The following TPGS2 variants were observed in gnomAD, a reference collection of about 807,000 sequenced individuals.
TPGS2 encodes the protein tubulin polyglutamylase complex subunit 2.
Under a neutral mutation model 31.1 loss-of-function variants are expected in TPGS2, and 26 were observed. The observed-to-expected ratio is 0.84, with a 90% confidence interval of 0.61 to 1.16. The LOEUF (loss-of-function observed/expected upper bound fraction) is 1.16, where lower values mean the gene tolerates loss of function less well. Among genes scored for constraint, TPGS2 ranks in the 50% most tolerant of loss-of-function variants. The pLI, the probability that TPGS2 is intolerant of heterozygous loss-of-function variation, is 0.00. For missense variants in TPGS2, 351 were observed against 363.8 expected (o/e 0.96, Z 0.29); for synonymous variants, 130 against 136.6 (o/e 0.95, Z 0.34).
At position 36,805,512 on chromosome 18, in the gene TPGS2, CATGCGTTAAGGAG is replaced by C; in HGVS notation, c.254-23_254-11del. On this transcript the variant is annotated splice_polypyrimidine_tract_variant and intron_variant, in intron 3 of 6. Coordinates refer to ENST00000334295, the MANE Select transcript of TPGS2 (RefSeq NM_015476.4). ...AGTGGAATGATGTGCTCTAGGGGAACATGCGTTAAGGAGAATTACATGGAGTAACAGCCTAGTT... is the reference window on the plus strand; with the variant it reads ...AGTGGAATGATGTGCTCTAGGGGAACAATTACATGGAGTAACAGCCTAGTT... 6.2e-7 allele frequency: 1 copy of C among 1,613,900 alleles called. No individual in the cohort carries two copies. Among genetic ancestry groups the C allele is most frequent in the Non-Finnish European group, 8.5e-7 (1 of 1,179,868 alleles).
chr18:36,782,975 G>A, downstream of TPGS2: 3 of 397,636 alleles, frequency 7.5e-6, no homozygotes. Flanking sequence ...TGGGACAGAG[G>A]TGAACCCAGA....
downstream of TPGS2, among the ~76,000 whole-genome samples, chr18:36,792,297 G>A (rs1332062558): frequency 6.6e-6 from 1 of 152,174 alleles, no homozygotes; most frequent in Non-Finnish European, 1.5e-5. Flanking sequence ...AACTGAAGGA[G>A]TAAATATGGG....
downstream of TPGS2, among the ~76,000 whole-genome samples, chr18:36,782,751 G>A (rs989159339): frequency 2.0e-5 from 3 of 152,184 alleles, no homozygotes; most frequent in East Asian, 1.9e-4. Context: ...TGTGTGCCCA[G>A]ACATCTCTGC....
At position 36,798,459 on chromosome 18, in the gene TPGS2, G is replaced by A; in HGVS notation, c.647C>T (p.Pro216Leu). The A allele has an allele frequency of 1.9e-6, 3 of 1,614,166 alleles. No homozygotes were observed. The East Asian group carries it at 6.7e-5, about 36-fold the overall frequency. Residue 216 changes from proline (P) to leucine (L), a missense_variant, in exon 6 of 7, where the codon CCA (proline) becomes CTA (leucine). Physicochemically the swap from Pro to Leu is moderately conservative, Grantham distance 98. Coordinates refer to ENST00000334295, the MANE Select transcript of TPGS2 (RefSeq NM_015476.4). ...QYAFTSYGIS[P>L]QAKQWFSMYK... ...GTGTTCCTCCCTTACCTTGGCCTGT[G>A]GGCTAATGCCATAGCTGGTGAAGGC...
downstream of TPGS2, among the ~76,000 whole-genome samples, chr18:36,781,151 A>G (rs531352654): frequency 6.6e-6 from 1 of 152,212 alleles, no homozygotes; most frequent in African/African-American, 2.4e-5. Flanking sequence ...AGGCACTGGG[A>G]GGGGCTCTCA....
intron 5 of TPGS2, 39 bp downstream of exon 5, chr18:36,800,159 T>C (rs140969685): frequency 2.3e-5 from 37 of 1,586,116 alleles, no homozygotes; most frequent in Middle Eastern, 3.3e-4. Flanking sequence ...GGCAAGACCC[T>C]AGCCAAACTA....
At position 36,795,013 on chromosome 18, in the gene TPGS2, G is replaced by A. The variant is rs529781280; in HGVS notation, c.*1792C>T. 11 of 985,370 alleles carry A rather than the reference G, an allele frequency of 1.1e-5. No individual in the cohort carries two copies. The East Asian group carries it at 6.8e-4, about 61-fold the overall frequency. 61.0% of individuals were successfully genotyped at this position (985,370 alleles called of 1,614,324 possible). ...TTTATGCTCCCAAAGACTCTTAAGC[G>A]CTGATATTTCAAGACTTTGAACTAT... is the stretch of plus-strand genomic sequence containing the variant. On this transcript the variant is annotated 3_prime_UTR_variant, in exon 7 of 7. Coordinates refer to ENST00000334295, the MANE Select transcript of TPGS2 (RefSeq NM_015476.4).
intron 1 of TPGS2, among the ~76,000 whole-genome samples, chr18:36,825,670 C>T (rs2046104712): frequency 6.6e-6 from 1 of 152,164 alleles, no homozygotes; most frequent in African/African-American, 2.4e-5. Context: ...GTACAACCAT[C>T]ACCAGAACTT....
At chr18:36,790,428 C>T (rs1189421709), downstream of TPGS2, among the ~76,000 whole-genome samples, 2 of 152,100 alleles carry the variant, frequency 1.3e-5, no homozygotes, top group African/African-American at 4.8e-5. Flanking sequence ...ATAATGCTCG[C>T]TACATTTATC....
At chr18:36,802,386 C>G (rs568837921) in intron 4 of TPGS2, among the ~76,000 whole-genome samples, 44 of 152,244 alleles carry the variant, frequency 2.9e-4, no homozygotes, top group African/African-American at 1.0e-3. Context: ...TCCTTTAAGA[C>G]ACGTTTTTAA....
chr18:36,808,469 T>C (rs865903989), intron 2 of TPGS2, among the ~76,000 whole-genome samples: 6 of 152,156 alleles, frequency 3.9e-5, no homozygotes, highest in Middle Eastern at 3.4e-3. Flanking sequence ...AAACCCCATC[T>C]CTACTAAAAA....
intron 2 of TPGS2, among the ~76,000 whole-genome samples, chr18:36,814,139 G>A (rs2045553543): frequency 6.6e-6 from 1 of 152,242 alleles, no homozygotes; most frequent in South Asian, 2.1e-4. Flanking sequence ...ATCAAGAATT[G>A]TAAAGCCGTC....
rs1383608639 is a variant in TPGS2 at position 36,786,688 on chromosome 18, A to AGGGAG, written c.658-3562_658-3558dup. ...CAGTTGTTGTGTCTAAAACCACAAA[A>AGGGAG]GGGAGGGGGTATGATGAGGTGTGTC... On this transcript the variant is annotated intron_variant, in intron 6 of 6. Coordinates refer to the TPGS2 transcript ENST00000587129. 26 of 602,662 alleles carry AGGGAG rather than the reference A, an allele frequency of 4.3e-5. No homozygotes were observed. In the African/African-American group the frequency reaches 4.6e-4, roughly 11 times the overall value. The allele number at this position is 602,662 out of a possible 1,614,324, so 37.3% of individuals were successfully genotyped here.
At chr18:36,818,676 G>T in intron 2 of TPGS2, 1 of 475,478 alleles carries the variant, frequency 2.1e-6, no homozygotes, top group Non-Finnish European at 3.8e-6. Flanking sequence ...TGCTTCTGTA[G>T]GAGAGTGGGG....
chr18:36,824,779 A>G (rs1397180397), intron 1 of TPGS2, among the ~76,000 whole-genome samples: 2 of 152,228 alleles, frequency 1.3e-5, no homozygotes, highest in Non-Finnish European at 2.9e-5. Flanking sequence ...ATTTACAAAT[A>G]TCCTCTCCTA....
intron 1 of TPGS2, chr18:36,823,923 A>T (rs1413914215): frequency 1.1e-6 from 1 of 927,136 alleles, no homozygotes; most frequent in Non-Finnish European, 1.3e-6. Flanking sequence ...ATTCCTTTTT[A>T]AAAATAGCTT....
chr18:36,796,962 C>T lies in TPGS2; in HGVS notation c.746G>A (p.Ser249Asn). Residue 249 changes from serine to asparagine, a missense_variant, in exon 7 of 7, where the codon AGC becomes AAC. Coordinates refer to ENST00000334295, the MANE Select transcript of TPGS2 (RefSeq NM_015476.4). The part of the protein sequence containing the change: ...TDSFVNKLDP[S>N]KVFKSKNKIV... ...CTTGTTCTTGCTCTTAAACACTTTGCTGGGATCTAGCTTATTCACAAAGGA... is the reference window on the plus strand; with the variant it reads ...CTTGTTCTTGCTCTTAAACACTTTGTTGGGATCTAGCTTATTCACAAAGGA... The T allele has an allele frequency of 1.2e-6, 2 of 1,605,472 alleles. No homozygotes were observed. Among genetic ancestry groups the T allele is most frequent in the Non-Finnish European group, 1.7e-6 (2 of 1,177,282 alleles).
chr18:36,823,745 C>A (rs958726886), intron 1 of TPGS2: 45 of 832,286 alleles, frequency 5.4e-5, no homozygotes, highest in Non-Finnish European at 6.4e-5. Context: ...CAGGCGTGAG[C>A]CACCGCGCCC....
At chr18:36,782,900 G>A, downstream of TPGS2, 1 of 390,544 alleles carries the variant, frequency 2.6e-6, no homozygotes, top group Non-Finnish European at 4.5e-6. Context: ...GCCAGCTCTT[G>A]CCACTTCTCT....
Sources: gnomAD v4.1 joint callset for allele counts (sites outside exome capture counted in the v4.1 genomes callset) on GRCh38, gnomAD v4.1.1 for gene constraint, MANE v1.5 for transcripts, NCBI Gene and HGNC (gene_info 2026-07-23, HGNC 2026-07-21) for gene names.